GDNF: variants seen among roughly 807,000 people sequenced by gnomAD.
The protein encoded by GDNF is glial cell derived neurotrophic factor.
GDNF carries 5 observed loss-of-function variants against 13.7 expected under a neutral mutation model. The observed-to-expected ratio is 0.36, with a 90% CI of 0.19 to 0.77. The LOEUF is 0.77. Ranked by LOEUF, GDNF falls within the 30% of genes least tolerant of loss-of-function variation. The pLI is 0.51. For missense variants in GDNF, 246 were observed against 274.3 expected (o/e 0.90, Z 0.73); for synonymous variants, 122 against 112.5 (o/e 1.08, Z -0.53).
intron 1 of GDNF, chr5:37,835,028 A>C (rs889569915): frequency 1.7e-6 from 1 of 586,424 alleles, no homozygotes; most frequent in African/African-American, 1.9e-5. Context: ...AGCAGCTCGC[A>C]CTCCTGGTTC....
At chr5:37,825,484 G>C (rs1750279841) in intron 2 of GDNF, among the ~76,000 whole-genome samples, 1 of 152,092 alleles carries the variant, frequency 6.6e-6, no homozygotes, top group African/African-American at 2.4e-5. Context: ...CTCCAGAGTC[G>C]GTAATAAACA....
intron 2 of GDNF, among the ~76,000 whole-genome samples, chr5:37,817,693 T>C (rs1561127307): frequency 6.6e-6 from 1 of 152,122 alleles, no homozygotes; most frequent in Non-Finnish European, 1.5e-5. Flanking sequence ...GTAGAATGCC[T>C]AGTTGCTATC....
rs781660220 is a variant in GDNF, at chr5:37,812,990, A to G, written c.*2661T>C. ...CAGCTTTTTTGGGCAGGGACTCTCC[A>G]TGGGGAGTTGTTGGGGGGGGTCACT... On this transcript the variant is annotated 3_prime_UTR_variant, in exon 3 of 3. Transcript: ENST00000326524. 7 of 152,198 alleles carry G rather than the reference A, an allele frequency of 4.6e-5. No individual in the cohort carries two copies. Among genetic ancestry groups the G allele is most frequent in the Non-Finnish European group, 7.3e-5 (5 of 68,122 alleles). The allele number at this position is 152,198 out of a possible 1,614,324, so 9.4% of individuals were successfully genotyped here. A position where few individuals can be genotyped will look rare whatever the true frequency, so the allele number is the denominator to read the frequency against.
rs76466003 is a variant in GDNF at position 37,815,839 on chromosome 5, C to T, written c.448G>A (p.Asp150Asn). Residue 150 changes from aspartate to asparagine, a missense_variant, in exon 3 of 3, where the codon GAT becomes AAT. Asp to Asn is a conservative substitution (Grantham distance 23). Transcript: ENST00000326524. The surrounding 1 kb of genome is among the most constrained non-coding windows in gnomAD (Gnocchi z 5.0). ...LIFRYCSGSC[D>N]AAETTYDKIL... Reference sequence around the variant, plus strand: ...TTGTCGTACGTTGTCTCAGCTGCATCGCAAGAGCCGCTGCAGTACCTAAAA... The same window carrying T: ...TTGTCGTACGTTGTCTCAGCTGCATTGCAAGAGCCGCTGCAGTACCTAAAA... 2.1e-3 allele frequency: 3,382 copies of T among 1,613,994 alleles called. 8 individuals carry two copies. Among genetic ancestry groups the T allele is most frequent in the Non-Finnish European group, 1.9e-3 (2,287 of 1,179,878 alleles).
intron 2 of GDNF, among the ~76,000 whole-genome samples, chr5:37,819,794 C>T (rs866806436): frequency 6.6e-6 from 1 of 152,046 alleles, no homozygotes; most frequent in African/African-American, 2.4e-5. Context: ...ACTGCTTTCT[C>T]ACTGAACTTT....
At chr5:37,826,977 G>T (rs1459940667) in intron 2 of GDNF, among the ~76,000 whole-genome samples, 1 of 152,156 alleles carries the variant, frequency 6.6e-6, no homozygotes, top group African/African-American at 2.4e-5. Flanking sequence ...TTCCTGATGT[G>T]AGGACATAGT....
chr5:37,826,302 T>C (rs948957263), intron 2 of GDNF, among the ~76,000 whole-genome samples: 2 of 152,226 alleles, frequency 1.3e-5, no homozygotes, highest in African/African-American at 4.8e-5. Context: ...TAGGCCAATA[T>C]GGTTATCACA....
In GDNF at chr5:37,813,560, CTTTT is replaced by C. The variant is rs71604877; in HGVS notation, c.*2087_*2090del. Reference sequence around the variant, plus strand: ...CCTATGCTTCCTCCTGCTCCAACCTCTTTTTTTTTTTTTTTTTTTTTTTGAGACA... The same window carrying C: ...CCTATGCTTCCTCCTGCTCCAACCTCTTTTTTTTTTTTTTTTTTTGAGACA... On this transcript the variant is annotated 3_prime_UTR_variant, in exon 3 of 3. Coordinates refer to ENST00000326524, the MANE Select transcript of GDNF (RefSeq NM_000514.4). The C allele has an allele frequency of 1.5e-4, 13 of 87,024 alleles. No homozygotes were observed. Among genetic ancestry groups the C allele is most frequent in the African/African-American group, 2.9e-4 (6 of 20,454 alleles). 5.4% of individuals were successfully genotyped at this position (87,024 alleles called of 1,614,324 possible).
rs553996343 is a variant in GDNF at position 37,838,547 on chromosome 5, T to C, written c.-27+960A>G. ...AGCAGAAGGGTCGCGAGCTCTGGGA[T>C]GGGTAAGCCCCCCGGGGGCGCGCAC... On this transcript the variant is annotated intron_variant, in intron 1 of 2. Transcript: ENST00000326524. This position sits in a 1 kb window ranked among gnomAD's most constrained non-coding sequence, Gnocchi z 4.1. Among the ~76,000 whole-genome samples the C allele has an allele frequency of 1.4e-4, 22 of 152,344 alleles. No individual in the cohort carries two copies. The highest frequency in any genetic ancestry group is 2.9e-4 in the Non-Finnish European group (20 of 68,022).
rs79273689 is a variant in GDNF, at chr5:37,834,622, C to G, written c.151+24G>C. The stretch of plus-strand genomic sequence containing the variant: ...GCGAGGGGGTCCGCCGGCGGCCCCC[C>G]CGCGGGGAGGGAACGGTTCTTACAG... On this transcript the variant is annotated intron_variant, in intron 2 of 2. Transcript: ENST00000326524. The G allele has an allele frequency of 1.9e-4, 286 of 1,478,930 alleles. 1 individual carries two copies. The highest frequency in any genetic ancestry group is 4.9e-4 in the Middle Eastern group (2 of 4,118). 91.6% of individuals were successfully genotyped at this position (1,478,930 alleles called of 1,614,324 possible).
chr5:37,825,497 A>G (rs531095989), intron 2 of GDNF, among the ~76,000 whole-genome samples: 24 of 152,322 alleles, frequency 1.6e-4, no homozygotes, highest in Admixed American at 6.5e-4. Context: ...AATAAACACC[A>G]CAAGCTAATG....
chr5:37,836,106 A>G (rs1383448575), intron 1 of GDNF, among the ~76,000 whole-genome samples: 1 of 152,076 alleles, frequency 6.6e-6, no homozygotes, highest in East Asian at 1.9e-4. Flanking sequence ...TGACCTAGAG[A>G]GAATCTCCTC....
At chr5:37,835,368 G>T in intron 1 of GDNF, 4 of 1,152,074 alleles carry the variant, frequency 3.5e-6, no homozygotes, top group Non-Finnish European at 4.6e-6. Context: ...CTGGCTAGTC[G>T]AGGGCAGGCT....
Position 37,819,474 on chromosome 5 carries a change from C to T in GDNF, c.152-3339G>A, listed in dbSNP as rs1428214218. ...TTTTTTTTTTTTTTTGTTTTTGAGA[C>T]GGAGTTTCACTCTTGTCGCCCAGGC... On this transcript the variant is annotated intron_variant, in intron 2 of 2. Transcript: ENST00000326524. Among the ~76,000 whole-genome samples, 149 of 133,546 alleles carry T rather than the reference C, an allele frequency of 1.1e-3. 1 individual carries two copies. Among genetic ancestry groups the T allele is most frequent in the Admixed American group, 3.3e-4 (4 of 11,954 alleles). 87.6% of individuals were successfully genotyped at this position (133,546 alleles called of 152,430 possible).
chr5:37,836,825 C>G (rs1750724581), intron 1 of GDNF, among the ~76,000 whole-genome samples: 1 of 152,258 alleles, frequency 6.6e-6, no homozygotes, highest in Non-Finnish European at 1.5e-5. Context: ...GAGGGTTTTC[C>G]CTTTTTTCCT....
At chr5:37,830,749 G>A (rs1561134363) in intron 2 of GDNF, among the ~76,000 whole-genome samples, 1 of 152,192 alleles carries the variant, frequency 6.6e-6, no homozygotes, top group Non-Finnish European at 1.5e-5. Context: ...CAACCCATGA[G>A]ACAGATTTAC....
intron 2 of GDNF, 23 bp downstream of exon 2, chr5:37,834,623 C>G (rs75404682): frequency 6.8e-7 from 1 of 1,480,878 alleles, no homozygotes. Context: ...GCGGCCCCCC[C>G]GCGGGGAGGG....
Position 37,815,942 on chromosome 5 carries a change from G to A in GDNF, c.345C>T (p.Asn115=), listed in dbSNP as rs112722327. The change falls in exon 3 of 3, where the codon AAC becomes AAT. Residue 115 remains asparagine (N), a synonymous_variant. Coordinates refer to ENST00000326524, the MANE Select transcript of GDNF (RefSeq NM_000514.4). The surrounding 1 kb of genome is among the most constrained non-coding windows in gnomAD (Gnocchi z 5.0). ...GKGRRGQRGK[N]RGCVLTAIHL... Reference sequence around the variant, plus strand: ...GTATTGCAGTTAAGACACAACCCCGGTTTTTGCCCCTCTGGCCTCTCCGAC... The same window carrying A: ...GTATTGCAGTTAAGACACAACCCCGATTTTTGCCCCTCTGGCCTCTCCGAC... The A allele has an allele frequency of 3.1e-6, 5 of 1,614,182 alleles. No individual in the cohort carries two copies. The South Asian group carries it at 4.4e-5, about 14-fold the overall frequency.
chr5:37,826,631 A>C (rs1750323300), intron 2 of GDNF, among the ~76,000 whole-genome samples: 1 of 152,202 alleles, frequency 6.6e-6, no homozygotes. Context: ...TATGGCTTAG[A>C]GCAGTGTCTT....
Sources: gnomAD v4.1 joint callset for allele counts (sites outside exome capture counted in the v4.1 genomes callset) on GRCh38, gnomAD v4.1.1 for gene constraint, Gnocchi (gnomAD v3.1) non-coding constraint, MANE v1.5 for transcripts, NCBI Gene and HGNC (gene_info 2026-07-23, HGNC 2026-07-21) for gene names.